The following CCDC169 variants were observed in gnomAD, a reference collection of about 807,000 sequenced individuals.
CCDC169 encodes the protein coiled-coil domain containing 169.
Under a neutral mutation model 36.0 loss-of-function variants are expected in CCDC169, and 30 were observed. The ratio of observed to expected loss-of-function variants is 0.83; its 90% CI spans 0.62 to 1.13. The LOEUF (loss-of-function observed/expected upper bound fraction) is 1.13, where lower values mean the gene tolerates loss of function less well. CCDC169 is among the 50% of genes most tolerant of loss of function. The pLI is 0.00. For synonymous variants in CCDC169, 85 were observed against 81.5 expected (o/e 1.04, Z -0.23); for missense variants, 245 against 245.9 (o/e 1.00, Z 0.03).
At chr13:36,224,761 C>A (rs1257429370), downstream of CCDC169, 1 of 152,114 alleles carries the variant, frequency 6.6e-6, no homozygotes, top group African/African-American at 2.4e-5. Flanking sequence ...AAACTACTAA[C>A]ATCATTTTTC....
intron 4 of CCDC169, among the ~76,000 whole-genome samples, chr13:36,276,933 C>A (rs1367612771): frequency 6.6e-6 from 1 of 152,130 alleles, no homozygotes; most frequent in Non-Finnish European, 1.5e-5. Flanking sequence ...GGCCTTACTC[C>A]AGACCTACCA....
intron 7 of CCDC169, among the ~76,000 whole-genome samples, chr13:36,244,193 T>C (rs1310688727): frequency 2.0e-5 from 3 of 152,276 alleles, no homozygotes; most frequent in Admixed American, 6.5e-5. Flanking sequence ...AGGTTGGCCC[T>C]TGGCTGGTAT....
At chr13:36,286,607 T>C (rs913844464) in intron 2 of CCDC169, among the ~76,000 whole-genome samples, 1 of 152,142 alleles carries the variant, frequency 6.6e-6, no homozygotes, top group Non-Finnish European at 1.5e-5. Context: ...CTGATCTCTT[T>C]GTCTCTCTTT....
At chr13:36,226,068 C>A (rs933045940), downstream of CCDC169, 6 of 152,172 alleles carry the variant, frequency 3.9e-5, no homozygotes, top group Non-Finnish European at 8.8e-5. Flanking sequence ...TTTGACCCAG[C>A]AATCTTATTA....
intron 4 of CCDC169, among the ~76,000 whole-genome samples, chr13:36,256,033 C>G (rs1245081145): frequency 6.6e-6 from 1 of 152,202 alleles, no homozygotes. Context: ...CCTGCTCCAG[C>G]CTTTCCTTCT....
At chr13:36,269,013 G>A (rs1594056091) in intron 4 of CCDC169, among the ~76,000 whole-genome samples, 2 of 152,210 alleles carry the variant, frequency 1.3e-5, no homozygotes, top group East Asian at 1.9e-4. Flanking sequence ...GCTGAGGCAG[G>A]AGAATCACTT....
At chr13:36,276,145 T>C (rs1159727052) in intron 4 of CCDC169, among the ~76,000 whole-genome samples, 1 of 152,232 alleles carries the variant, frequency 6.6e-6, no homozygotes, top group Non-Finnish European at 1.5e-5. Context: ...AAAAAGCCAA[T>C]TCATCAAAGG....
chr13:36,233,751 T>C (rs979316806), intron 7 of CCDC169, among the ~76,000 whole-genome samples: 3 of 152,228 alleles, frequency 2.0e-5, no homozygotes, highest in Non-Finnish European at 4.4e-5. Context: ...TAAGATCGTC[T>C]GGTTTGAGCA....
At chr13:36,249,795 T>G (rs1437435289) in intron 6 of CCDC169, among the ~76,000 whole-genome samples, 1 of 152,126 alleles carries the variant, frequency 6.6e-6, no homozygotes, top group Non-Finnish European at 1.5e-5. Flanking sequence ...TTGGGATCAT[T>G]TTCCTTTAAG....
chr13:36,278,464 G>A (rs892607485), intron 4 of CCDC169, among the ~76,000 whole-genome samples: 5 of 152,060 alleles, frequency 3.3e-5, no homozygotes, highest in Non-Finnish European at 5.9e-5. Flanking sequence ...CTATGTCCTA[G>A]CCTCTAATTG....
intron 7 of CCDC169, among the ~76,000 whole-genome samples, chr13:36,244,162 C>T (rs529886540): frequency 1.3e-5 from 2 of 152,302 alleles, no homozygotes; most frequent in African/African-American, 4.8e-5. Flanking sequence ...AGGCTACTGT[C>T]TTTGGAAAAG....
At chr13:36,260,166 C>T (rs1048652971) in intron 4 of CCDC169, among the ~76,000 whole-genome samples, 5 of 152,222 alleles carry the variant, frequency 3.3e-5, no homozygotes, top group African/African-American at 1.2e-4. Flanking sequence ...GGCTCAAAGA[C>T]ACGCAGCTAA....
At chr13:36,230,625 G>A (rs1870312902), downstream of CCDC169, 4 of 288,948 alleles carry the variant, frequency 1.4e-5, no homozygotes, top group Non-Finnish European at 2.1e-5. Context: ...CATTTTACAG[G>A]TGTGGGAAAT....
At chr13:36,271,381 T>G (rs9566003) in intron 4 of CCDC169, among the ~76,000 whole-genome samples, 38,716 of 152,070 alleles carry the variant, frequency 0.25, 5,206 homozygotes, top group East Asian at 0.49. Context: ...AGATCTACCA[T>G]GTGATCCAGC....
intron 4 of CCDC169, among the ~76,000 whole-genome samples, chr13:36,279,668 A>G (rs12864359): frequency 0.25 from 38,462 of 152,038 alleles, 5,153 homozygotes; most frequent in East Asian, 0.49. Flanking sequence ...CTTAAAGCAG[A>G]GGCTGGCAAA....
intron 7 of CCDC169, chr13:36,244,633 G>C (rs560898964): frequency 6.6e-6 from 1 of 150,494 alleles, no homozygotes; most frequent in Non-Finnish European, 1.5e-5. Flanking sequence ...ACATGGATTA[G>C]AGAAAGAAAG....
intron 7 of CCDC169, among the ~76,000 whole-genome samples, chr13:36,243,999 C>T (rs906877771): frequency 7.2e-5 from 11 of 152,160 alleles, no homozygotes; most frequent in Admixed American, 2.6e-4. Context: ...CTTTCATTTT[C>T]GAAATATTCC....
At chr13:36,227,516 A>AG (rs1869980504), downstream of CCDC169, 1 of 337,730 alleles carries the variant, frequency 3.0e-6, no homozygotes, top group Non-Finnish European at 4.2e-6. Flanking sequence ...ATAAATAAAT[A>AG]AAAGCTCTAT....
intron 2 of CCDC169, among the ~76,000 whole-genome samples, chr13:36,292,306 T>G (rs1265521005): frequency 6.6e-6 from 1 of 152,148 alleles, no homozygotes; most frequent in Non-Finnish European, 1.5e-5. Context: ...CATTTTTCAA[T>G]CTATAAAACG....
Sources: allele counts gnomAD v4.1 joint callset (sites outside exome capture counted in the v4.1 genomes callset), GRCh38; gene constraint gnomAD v4.1.1; transcripts MANE v1.5; gene names NCBI Gene and HGNC (gene_info 2026-07-23, HGNC 2026-07-21).